Variants in SLC9A9 observed in about 807,000 individuals in gnomAD.
The protein encoded by SLC9A9 is solute carrier family 9 member A9, also known as sodium/hydrogen exchanger 9.
SLC9A9 carries 62 observed loss-of-function variants against 77.8 expected under a neutral mutation model. The ratio of observed to expected loss-of-function variants is 0.80; its 90% CI spans 0.65 to 0.98. SLC9A9 has a LOEUF of 0.98. Ranked by LOEUF, SLC9A9 falls within the 50% of genes least tolerant of loss-of-function variation. SLC9A9 has a pLI of 0.00. For synonymous variants in SLC9A9, 320 were observed against 283.5 expected (o/e 1.13, Z -1.29); for missense variants, 775 against 774.9 (o/e 1.00, Z 0.00).
intron 2 of SLC9A9, among the ~76,000 whole-genome samples, chr3:143,822,570 A>G (rs991884909): frequency 6.6e-6 from 1 of 152,194 alleles, no homozygotes; most frequent in African/African-American, 2.4e-5. Context: ...CTGTCTGTGG[A>G]GCCTACCTCA....
At chr3:143,649,441 G>A (rs1182710391) in intron 6 of SLC9A9, among the ~76,000 whole-genome samples, 1 of 152,124 alleles carries the variant, frequency 6.6e-6, no homozygotes, top group Admixed American at 6.6e-5. Flanking sequence ...TCACAAGAGC[G>A]TGATATAGCA....
chr3:143,796,331 C>T (rs1050978613), intron 3 of SLC9A9, among the ~76,000 whole-genome samples: 2 of 152,078 alleles, frequency 1.3e-5, no homozygotes, highest in African/African-American at 4.8e-5. Context: ...TTACAATCAT[C>T]CAGAATAATG....
rs748020427 is a variant in SLC9A9 at position 143,495,389 on chromosome 3, T to C, written c.1149A>G (p.Ala383=). The change falls in exon 10 of 16, where the codon GCA becomes GCG. Residue 383 remains alanine (A), a synonymous_variant. Transcript: ENST00000316549. ...ENVIFCYMGL[A]LFTFQNHIFN... is the part of the protein sequence containing the mutation. ...AGATATGATTCTGGAACGTGAACAG[T>C]GCCAGGCCCATGTAACAGAAGATGA... 9 of 1,614,052 alleles carry C rather than the reference T, an allele frequency of 5.6e-6. No homozygotes were observed. The South Asian group carries it at 9.9e-5, about 18-fold the overall frequency.
intron 8 of SLC9A9, among the ~76,000 whole-genome samples, chr3:143,558,035 T>C (rs2037017589): frequency 6.6e-6 from 1 of 152,202 alleles, no homozygotes; most frequent in Non-Finnish European, 1.5e-5. Context: ...AAAAATGGTT[T>C]AATGGGCCTG....
chr3:143,363,413 C>A (rs1334590945), intron 14 of SLC9A9, 71 bp downstream of exon 14: 3 of 1,404,930 alleles, frequency 2.1e-6, no homozygotes, highest in Non-Finnish European at 3.0e-6. Flanking sequence ...GTGCACACTT[C>A]AATGATTAAG....
chr3:143,322,286 C>T (rs2031447146), intron 14 of SLC9A9, among the ~76,000 whole-genome samples: 1 of 152,170 alleles, frequency 6.6e-6, no homozygotes, highest in South Asian at 2.1e-4. Flanking sequence ...GGGTGGACCT[C>T]ACCAGTTGAA....
At chr3:143,313,712 A>G (rs2031103280) in intron 14 of SLC9A9, among the ~76,000 whole-genome samples, 1 of 152,166 alleles carries the variant, frequency 6.6e-6, no homozygotes, top group African/African-American at 2.4e-5. Context: ...GGCTTTGGAA[A>G]ACACTCAGGT....
At chr3:143,541,826 T>A (rs1320856218) in intron 9 of SLC9A9, among the ~76,000 whole-genome samples, 1 of 152,218 alleles carries the variant, frequency 6.6e-6, no homozygotes, top group East Asian at 1.9e-4. Context: ...ATAAACAGAT[T>A]TGTGGGTGAG....
intron 2 of SLC9A9, among the ~76,000 whole-genome samples, chr3:143,822,174 T>C (rs2009183623): frequency 6.6e-6 from 1 of 152,164 alleles, no homozygotes; most frequent in Non-Finnish European, 1.5e-5. Flanking sequence ...GCAGCCACAA[T>C]TGTTGGGCCT....
intron 11 of SLC9A9, among the ~76,000 whole-genome samples, chr3:143,482,127 CA>C (rs2035584845): frequency 1.3e-5 from 2 of 152,152 alleles, no homozygotes; most frequent in South Asian, 4.1e-4. Flanking sequence ...CAGTGCTCCA[CA>C]AAACTTGAGT....
chr3:143,756,017 CTG>C lies in SLC9A9; in HGVS notation c.533+38982_533+38983del, dbSNP rs375447107. On this transcript the variant is annotated intron_variant, in intron 4 of 15. Coordinates refer to ENST00000316549, the MANE Select transcript of SLC9A9 (RefSeq NM_173653.4). The stretch of plus-strand genomic sequence containing the variant: ...AACAGAGGTTCCAGTAAGAAACTTG[CTG>C]TGTCATGCCTTAGGCAATGCAGTGG... Among the ~76,000 whole-genome samples the C allele has an allele frequency of 1.4e-4, 21 of 152,270 alleles. No homozygotes were observed. The East Asian group carries it at 2.5e-3, about 18-fold the overall frequency.
intron 5 of SLC9A9, among the ~76,000 whole-genome samples, chr3:143,675,238 C>T (rs2108768446): frequency 6.6e-6 from 1 of 152,304 alleles, no homozygotes; most frequent in South Asian, 2.1e-4. Context: ...TGCATAGTAA[C>T]AGGGATTGAA....
chr3:143,777,808 G>A (rs746078217), intron 4 of SLC9A9, among the ~76,000 whole-genome samples: 3 of 149,406 alleles, frequency 2.0e-5, no homozygotes, highest in Non-Finnish European at 3.0e-5. Flanking sequence ...TCAGCCTCCC[G>A]GGTTCAAGCA....
intron 14 of SLC9A9, among the ~76,000 whole-genome samples, chr3:143,319,603 T>C (rs1401254743): frequency 6.6e-6 from 1 of 152,208 alleles, no homozygotes; most frequent in Non-Finnish European, 1.5e-5. Context: ...AATGTTTTTC[T>C]GGAACCAGCC....
rs554496443 is a variant in SLC9A9, at chr3:143,512,648, C to T, written c.1090-17200G>A. ...ATCCCAGCACTTTGGGATGCCAAGG[C>T]GGGTGGATCACGAGGTCAGGAGTTC... On this transcript the variant is annotated intron_variant, in intron 9 of 15. Transcript: ENST00000316549. 2.5e-3 allele frequency among the ~76,000 whole-genome samples: 376 copies of T among 152,250 alleles called. 4 individuals carry two copies. In the Middle Eastern group the frequency reaches 0.031, roughly 12 times the overall value.
chr3:143,341,275 G>A (rs765666666), intron 14 of SLC9A9, among the ~76,000 whole-genome samples: 4 of 152,046 alleles, frequency 2.6e-5, no homozygotes, highest in Non-Finnish European at 5.9e-5. Context: ...TAAACTTTTG[G>A]TCTTGAGAAT....
intron 14 of SLC9A9, among the ~76,000 whole-genome samples, chr3:143,358,997 G>A (rs1351369201): frequency 6.6e-6 from 1 of 152,196 alleles, no homozygotes; most frequent in African/African-American, 2.4e-5. Context: ...GCTGTGAGTG[G>A]CTGTTCCTGT....
chr3:143,602,150 T>C (rs1005195358), intron 6 of SLC9A9, among the ~76,000 whole-genome samples: 1 of 152,234 alleles, frequency 6.6e-6, no homozygotes, highest in African/African-American at 2.4e-5. Context: ...ACTTTGGTGT[T>C]GTGTCATTTA....
intron 12 of SLC9A9, among the ~76,000 whole-genome samples, chr3:143,438,263 G>A (rs1056459033): frequency 3.9e-5 from 6 of 152,228 alleles, no homozygotes; most frequent in Admixed American, 6.5e-5. Context: ...GTGTCAGGGC[G>A]GTTGGTAGGG....
Sources: allele counts gnomAD v4.1 joint callset (sites outside exome capture counted in the v4.1 genomes callset), GRCh38; gene constraint gnomAD v4.1.1; transcripts MANE v1.5; gene names NCBI Gene and HGNC (gene_info 2026-07-23, HGNC 2026-07-21).